The following C1orf94 variants were observed in gnomAD, a reference collection of about 807,000 sequenced individuals.
C1orf94 encodes the protein chromosome 1 open reading frame 94, also known as uncharacterized protein C1orf94.
Under a neutral mutation model 53.6 loss-of-function variants are expected in C1orf94, and 45 were observed. The observed-to-expected ratio is 0.84, with a 90% CI of 0.66 to 1.08. The LOEUF is 1.08. Ranked by LOEUF, C1orf94 falls within the 50% of genes least tolerant of loss-of-function variation. The probability of loss-of-function intolerance (pLI) is 0.00; values close to 1 mark genes in which losing one functional copy is unlikely to be tolerated. For synonymous variants in C1orf94, 304 were observed against 296.1 expected, an observed-to-expected ratio of 1.03 and a Z score of -0.27; for missense variants, 762 against 738.9, an observed-to-expected ratio of 1.03 and a Z score of -0.36.
chr1:34,204,401 G>C (rs1642761711), intron 4 of C1orf94, among the ~76,000 whole-genome samples: 2 of 152,170 alleles, frequency 1.3e-5, no homozygotes, highest in Non-Finnish European at 2.9e-5. Flanking sequence ...ACACCCCATT[G>C]TGGAGGTGAG....
intron 6 of C1orf94, among the ~76,000 whole-genome samples, chr1:34,216,513 A>C (rs1011742236): frequency 2.0e-5 from 3 of 152,160 alleles, no homozygotes; most frequent in Non-Finnish European, 4.4e-5. Context: ...GAACAAGATC[A>C]AGGTGAGGCT....
intron 4 of C1orf94, among the ~76,000 whole-genome samples, chr1:34,202,970 G>A (rs529380185): frequency 3.9e-5 from 6 of 152,310 alleles, no homozygotes; most frequent in South Asian, 4.1e-4. Flanking sequence ...ATTATTAGGC[G>A]TTGTTAGTAA....
At position 34,197,542 on chromosome 1, in the gene C1orf94, C is replaced by A. The variant is rs61741816; in HGVS notation, c.638C>A (p.Ala213Asp). ...ATSTVTDILC[A>D]AEVKSSKGTE... The stretch of plus-strand genomic sequence containing the variant: ...TCTACTGTCACAGACATTCTGTGTG[C>A]CGCCGAGGTCAAGAGCAGCAAGGGG... Residue 213 changes from alanine (A) to aspartate (D), a missense_variant, in exon 2 of 7, where the codon GCC becomes GAC. By Grantham distance (126) the Ala-to-Asp change is moderately radical. Coordinates refer to ENST00000488417, the MANE Select transcript of C1orf94 (RefSeq NM_001134734.2). This position sits in a 1 kb window ranked among gnomAD's most constrained non-coding sequence, Gnocchi z 4.1. 4,330 of 1,614,082 alleles carry A rather than the reference C, an allele frequency of 2.7e-3. 98 individuals are homozygous for A. In the African/African-American group the frequency reaches 0.05, roughly 19 times the overall value.
intron 1 of C1orf94, among the ~76,000 whole-genome samples, chr1:34,194,409 AG>A (rs921611897): frequency 3.3e-5 from 5 of 152,120 alleles, no homozygotes; most frequent in African/African-American, 1.2e-4. Flanking sequence ...GGAGGGCAGG[AG>A]TGACCTCCCA....
intron 1 of C1orf94, among the ~76,000 whole-genome samples, chr1:34,194,261 G>C (rs761653260): frequency 1.3e-5 from 2 of 152,206 alleles, no homozygotes; most frequent in Non-Finnish European, 2.9e-5. Context: ...TAAGTGTTTT[G>C]TACAACTTAT....
chr1:34,167,524 T>C (rs1234416177), intron 1 of C1orf94, among the ~76,000 whole-genome samples: 2 of 152,170 alleles, frequency 1.3e-5, no homozygotes, highest in Non-Finnish European at 2.9e-5. Context: ...AGGGCACCTA[T>C]TTTATCCCTG....
rs560127464 is a variant in C1orf94, at chr1:34,187,465, G to A, written c.320+9356G>A. 3.3e-5 allele frequency among the ~76,000 whole-genome samples: 5 copies of A among 152,070 alleles called. No homozygotes were observed. The South Asian group carries it at 1.0e-3, about 32-fold the overall frequency. ...TCCCCCTTTGTAATTTAATTTTATG[G>A]TTTCGGGAGCTGTGTCGCAGGTTGT... On this transcript the variant is annotated intron_variant, in intron 1 of 6. Coordinates refer to ENST00000488417, the MANE Select transcript of C1orf94 (RefSeq NM_001134734.2).
rs373115271 is a variant in C1orf94, at chr1:34,200,859, G to T, written c.1097G>T (p.Gly366Val). The T allele has an allele frequency of 6.2e-7, 1 of 1,614,080 alleles. No homozygotes were observed. Among genetic ancestry groups the T allele is most frequent in the African/African-American group, 1.3e-5 (1 of 74,916 alleles). The change falls in exon 3 of 7, where the codon GGT becomes GTT. Residue 366 changes from glycine to valine, a missense_variant. Coordinates refer to ENST00000488417, the MANE Select transcript of C1orf94 (RefSeq NM_001134734.2). ...QWPQSQKDAC[G>V]EEGCCDAVGT... ...CCCCAGAGCCAGAAGGACGCCTGTG[G>T]TGAGGAGGGTTGCTGTGACGCAGTG...
At chr1:34,213,492 G>A (rs1034754965) in intron 6 of C1orf94, among the ~76,000 whole-genome samples, 2 of 151,988 alleles carry the variant, frequency 1.3e-5, no homozygotes, top group South Asian at 2.1e-4. Context: ...GAAGGTGGTC[G>A]ATAGTATTAT....
At chr1:34,208,981 G>T (rs1037362436) in intron 5 of C1orf94, among the ~76,000 whole-genome samples, 1 of 152,190 alleles carries the variant, frequency 6.6e-6, no homozygotes, top group Non-Finnish European at 1.5e-5. Flanking sequence ...AGTTAAATTT[G>T]AATTTCAGAT....
intron 6 of C1orf94, among the ~76,000 whole-genome samples, chr1:34,213,560 G>A (rs1016584185): frequency 6.6e-6 from 1 of 151,782 alleles, no homozygotes; most frequent in Non-Finnish European, 1.5e-5. Context: ...ATTTTTTTGA[G>A]ATGGAGTTTC....
intron 1 of C1orf94, among the ~76,000 whole-genome samples, chr1:34,182,506 G>T (rs1372889482): frequency 6.6e-6 from 1 of 152,158 alleles, no homozygotes; most frequent in Non-Finnish European, 1.5e-5. Flanking sequence ...GGAAGTGGGA[G>T]GCCTCTGGGA....
At chr1:34,179,729 GA>G (rs945975353) in intron 1 of C1orf94, among the ~76,000 whole-genome samples, 2 of 152,126 alleles carry the variant, frequency 1.3e-5, no homozygotes, top group Non-Finnish European at 2.9e-5. Context: ...TTCAGGTTGG[GA>G]TTTGTTGTTG....
chr1:34,172,548 G>A (rs1187479044), upstream of C1orf94, among the ~76,000 whole-genome samples: 2 of 152,148 alleles, frequency 1.3e-5, no homozygotes, highest in Non-Finnish European at 2.9e-5. Context: ...TCAAGTAGTA[G>A]AGTAGGAATT....
chr1:34,197,672 C>A lies in C1orf94; in HGVS notation c.768C>A (p.Asn256Lys). The A allele has an allele frequency of 6.2e-7, 1 of 1,614,166 alleles. No homozygotes were observed. Among genetic ancestry groups the A allele is most frequent in the East Asian group, 2.2e-5 (1 of 44,860 alleles). ...CTGAGACATCCAAGGTCCCTGACAACAAGAATGTGCTGGACAAGACAAGGG... is the reference window on the plus strand; with the variant it reads ...CTGAGACATCCAAGGTCCCTGACAAAAAGAATGTGCTGGACAAGACAAGGG... ...KSTETSKVPD[N>K]KNVLDKTRVT... is the part of the protein sequence containing the mutation. The change falls in exon 2 of 7, where the codon AAC becomes AAA. Residue 256 changes from asparagine to lysine, a missense_variant. Transcript: ENST00000488417. The surrounding 1 kb of genome is among the most constrained non-coding windows in gnomAD (Gnocchi z 4.1).
At chr1:34,196,648 C>A (rs1192917091) in intron 1 of C1orf94, among the ~76,000 whole-genome samples, 3 of 152,144 alleles carry the variant, frequency 2.0e-5, no homozygotes, top group Non-Finnish European at 4.4e-5. Context: ...GAGGAGGAGA[C>A]AGAATACCAA....
chr1:34,213,830 C>T (rs964565035), intron 6 of C1orf94, among the ~76,000 whole-genome samples: 23 of 152,160 alleles, frequency 1.5e-4, no homozygotes, highest in African/African-American at 5.1e-4. Context: ...CATGAGCCAC[C>T]GTGCCCAGCA....
chr1:34,182,474 T>C (rs188155000), intron 1 of C1orf94, among the ~76,000 whole-genome samples: 3 of 152,196 alleles, frequency 2.0e-5, no homozygotes, highest in East Asian at 1.9e-4. Flanking sequence ...TGTGTGGAGA[T>C]GGTTTGTAAG....
rs1233601433 is a variant in C1orf94 at position 34,208,171 on chromosome 1, G to A, written c.1461G>A (p.Gln487=). Residue 487 remains glutamine (Q), a synonymous_variant, in exon 5 of 7, where the codon CAG becomes CAA. Coordinates refer to ENST00000488417, the MANE Select transcript of C1orf94 (RefSeq NM_001134734.2). ...TFLQYQGLYP[Q]QAARMPYQQA... The stretch of plus-strand genomic sequence containing the variant: ...TTTCTCCCCAGGGCCTGTACCCACA[G>A]CAGGCAGCGAGGATGCCCTATCAGC... 6.2e-7 allele frequency: 1 copy of A among 1,614,120 alleles called. No homozygotes were observed.
Sources: gnomAD v4.1 joint callset for allele counts (sites outside exome capture counted in the v4.1 genomes callset) on GRCh38, gnomAD v4.1.1 for gene constraint, Gnocchi (gnomAD v3.1) non-coding constraint, MANE v1.5 for transcripts, NCBI Gene and HGNC (gene_info 2026-07-23, HGNC 2026-07-21) for gene names.